NR5A2: variants seen among roughly 807,000 people sequenced by gnomAD.
NR5A2 encodes CYP7A promoter-binding factor.
Under a neutral mutation model 62.7 loss-of-function variants are expected in NR5A2, and 26 were observed. The ratio of observed to expected loss-of-function variants is 0.41; its 90% CI spans 0.30 to 0.58. The LOEUF (loss-of-function observed/expected upper bound fraction) is 0.58, where lower values mean the gene tolerates loss of function less well. Among genes scored for constraint, NR5A2 ranks in the 20% least tolerant of loss-of-function variants. The pLI, the probability that NR5A2 is intolerant of heterozygous loss-of-function variation, is 0.22. For synonymous variants in NR5A2, 246 were observed against 241.7 expected, an observed-to-expected ratio of 1.02 and a Z score of -0.16; for missense variants, 541 against 669.1, an observed-to-expected ratio of 0.81 and a Z score of 2.11.
intron 6 of NR5A2, among the ~76,000 whole-genome samples, chr1:200,116,834 CTATG>C (rs966371643): frequency 7.2e-5 from 11 of 152,128 alleles, no homozygotes; most frequent in African/African-American, 2.7e-4. Context: ...ACACATATAT[CTATG>C]TATGTATAAA....
rs1654448858 is a variant in NR5A2 at position 200,176,952 on chromosome 1, T to C, written c.*2742T>C. ...TTAGAAAGACGGGCAACACAGCGGG[T>C]TACATCCACACTGCTGATCACACCA... On this transcript the variant is annotated 3_prime_UTR_variant, in exon 8 of 8. Coordinates refer to ENST00000367362, the MANE Select transcript of NR5A2 (RefSeq NM_205860.3). 6.6e-6 allele frequency: 1 copy of C among 152,180 alleles called. No individual in the cohort carries two copies. Among genetic ancestry groups the C allele is most frequent in the South Asian group, 2.1e-4 (1 of 4,830 alleles). 9.4% of individuals were successfully genotyped at this position (152,180 alleles called of 1,614,324 possible). A position where few individuals can be genotyped will look rare whatever the true frequency, so the allele number is the denominator to read the frequency against.
chr1:200,116,082 CTGAG>C (rs760661780), intron 6 of NR5A2, among the ~76,000 whole-genome samples: 3 of 152,066 alleles, frequency 2.0e-5, no homozygotes, highest in East Asian at 1.9e-4. Flanking sequence ...AATGTTTATA[CTGAG>C]TATTTTGAGA....
rs751239654 is a variant in NR5A2, at chr1:200,073,531, G to A, written c.1110+24713G>A. ...AATTATAATACCTAAGAGAGTATAA[G>A]TAGTTGTTACACTGTATTGTTTAGG... On this transcript the variant is annotated intron_variant, in intron 5 of 7. Transcript: ENST00000367362. Among the ~76,000 whole-genome samples, 53 of 151,836 alleles carry A rather than the reference G, an allele frequency of 3.5e-4. No individual in the cohort carries two copies. In the Middle Eastern group the frequency reaches 0.01, roughly 29 times the overall value.
At chr1:200,154,940 A>G (rs568218607) in intron 7 of NR5A2, among the ~76,000 whole-genome samples, 100 of 152,314 alleles carry the variant, frequency 6.6e-4, no homozygotes, top group Non-Finnish European at 1.3e-3. Flanking sequence ...GTTTCTACGC[A>G]TTCCAGCCTC....
At chr1:200,161,911 T>C (rs1022107230) in intron 7 of NR5A2, among the ~76,000 whole-genome samples, 1 of 152,158 alleles carries the variant, frequency 6.6e-6, no homozygotes, top group African/African-American at 2.4e-5. Flanking sequence ...CTGTGTGGTG[T>C]AGGAAATAAG....
chr1:200,133,861 A>G (rs1355685943), intron 7 of NR5A2, among the ~76,000 whole-genome samples: 1 of 152,016 alleles, frequency 6.6e-6, no homozygotes, highest in African/African-American at 2.4e-5. Flanking sequence ...TGACAGCTCT[A>G]TGTGTGTTAT....
intron 7 of NR5A2, among the ~76,000 whole-genome samples, chr1:200,144,877 A>T (rs1005945917): frequency 6.6e-6 from 1 of 152,172 alleles, no homozygotes; most frequent in Non-Finnish European, 1.5e-5. Flanking sequence ...CCTCTCTGAG[A>T]CCTACTAAAT....
Position 200,039,893 on chromosome 1 carries a change from T to A in NR5A2, c.202+98T>A, listed in dbSNP as rs1661985584. The stretch of plus-strand genomic sequence containing the variant: ...CTCCCGCCCCGCGCGGGCGCGGGAG[T>A]AGCCCCGCTGGGCGCTCGCAGCCGC... On this transcript the variant is annotated intron_variant, in intron 2 of 7. Transcript: ENST00000367362. The surrounding 1 kb of genome is among the most constrained non-coding windows in gnomAD (Gnocchi z 5.1). 3 of 1,374,206 alleles carry A rather than the reference T, an allele frequency of 2.2e-6. No homozygotes were observed. The highest frequency in any genetic ancestry group is 1.9e-6 in the Non-Finnish European group (2 of 1,049,312). 85.1% of individuals were successfully genotyped at this position (1,374,206 alleles called of 1,614,324 possible).
intron 7 of NR5A2, among the ~76,000 whole-genome samples, chr1:200,144,264 CACACACAG>C (rs1558165807): frequency 1.3e-5 from 2 of 150,174 alleles, no homozygotes; most frequent in Non-Finnish European, 3.0e-5. Context: ...CACACACACA[CACACACAG>C]AACAACACTC....
At chr1:200,100,720 T>C (rs1481246516) in intron 5 of NR5A2, among the ~76,000 whole-genome samples, 2 of 152,220 alleles carry the variant, frequency 1.3e-5, no homozygotes, top group Non-Finnish European at 2.9e-5. Context: ...ACTGTGGGGA[T>C]ATTGTTAGAG....
chr1:200,069,417 T>C (rs2737652), intron 5 of NR5A2, among the ~76,000 whole-genome samples: 75,186 of 151,884 alleles, frequency 0.5, 18,664 homozygotes, highest in African/African-American at 0.54. Context: ...TGCACCACCA[T>C]GCTTGGCTAA....
chr1:200,038,710 A>G, intron 1 of NR5A2: 1 of 1,366,010 alleles, frequency 7.3e-7, no homozygotes, highest in Non-Finnish European at 9.8e-7. Flanking sequence ...GATCGAGGAA[A>G]TTGCCGCTCT....
At chr1:200,152,297 G>A (rs904198458) in intron 7 of NR5A2, among the ~76,000 whole-genome samples, 4 of 152,126 alleles carry the variant, frequency 2.6e-5, no homozygotes, top group African/African-American at 9.7e-5. Flanking sequence ...TGCAATGAAT[G>A]TATTCAGATC....
chr1:200,111,210 C>T lies in NR5A2; in HGVS notation c.1119C>T (p.Asp373=), dbSNP rs778168529. The part of the protein sequence containing the change: ...SIFFRELKVD[D]QMKLLQNCWS... ...TTCTATTTCTTTTGCAGGTTGATGA[C>T]CAAATGAAGCTGCTTCAGAACTGCT... is the stretch of plus-strand genomic sequence containing the variant. The change falls in exon 6 of 8, where the codon GAC becomes GAT. Residue 373 remains aspartate (D), a synonymous_variant. Coordinates refer to ENST00000367362, the MANE Select transcript of NR5A2 (RefSeq NM_205860.3). 8.1e-6 allele frequency: 13 copies of T among 1,610,224 alleles called. No homozygotes were observed. The highest frequency in any genetic ancestry group is 2.7e-5 in the African/African-American group (2 of 74,544).
chr1:200,114,356 T>C (rs1666120304), intron 6 of NR5A2, among the ~76,000 whole-genome samples: 1 of 152,120 alleles, frequency 6.6e-6, no homozygotes, highest in African/African-American at 2.4e-5. Context: ...AAAGAACTGC[T>C]TCCTGTTATG....
intron 5 of NR5A2, among the ~76,000 whole-genome samples, chr1:200,051,886 G>T (rs192821628): frequency 6.3e-4 from 96 of 151,906 alleles, no homozygotes; most frequent in Non-Finnish European, 7.4e-5. Context: ...GTATTTTATG[G>T]CAGGACATAG....
chr1:200,144,923 T>G (rs1571551928), intron 7 of NR5A2, among the ~76,000 whole-genome samples: 1 of 152,328 alleles, frequency 6.6e-6, no homozygotes, highest in Admixed American at 6.5e-5. Context: ...GAATCTGCAT[T>G]TTAACCACCT....
chr1:200,093,293 T>G (rs1015812949), intron 5 of NR5A2, among the ~76,000 whole-genome samples: 1 of 152,132 alleles, frequency 6.6e-6, no homozygotes, highest in Non-Finnish European at 1.5e-5. Flanking sequence ...TTGTCAAAAC[T>G]CAATGCTATT....
chr1:200,086,155 C>T (rs774328465), intron 5 of NR5A2, among the ~76,000 whole-genome samples: 2 of 152,162 alleles, frequency 1.3e-5, no homozygotes, highest in African/African-American at 4.8e-5. Context: ...ATGTGACCAA[C>T]TCCCAGAGTC....
Sources: allele counts gnomAD v4.1 joint callset (sites outside exome capture counted in the v4.1 genomes callset), GRCh38; gene constraint gnomAD v4.1.1; non-coding constraint Gnocchi (gnomAD v3.1); transcripts MANE v1.5; gene names NCBI Gene and HGNC (gene_info 2026-07-23, HGNC 2026-07-21).